The following HTT variants were observed in gnomAD, a reference collection of about 807,000 sequenced individuals.
HTT encodes huntington disease protein.
In HTT, 104 loss-of-function variants were observed where a neutral mutation model predicts 362.3. The ratio of observed to expected loss-of-function variants is 0.29; its 90% confidence interval spans 0.24 to 0.34. The LOEUF (loss-of-function observed/expected upper bound fraction) is 0.34. HTT is among the 10% of genes least tolerant of loss of function. The pLI is 1.00. For missense variants in HTT, 3,301 were observed against 3,928.6 expected, an observed-to-expected ratio of 0.84 and a Z score of 4.27; for synonymous variants, 1,577 against 1,548.7, an observed-to-expected ratio of 1.02 and a Z score of -0.43.
At chr4:3,172,869 T>C in intron 30 of HTT, 39 bp from the exon 31 acceptor site, 1 of 1,361,092 alleles carries the variant, frequency 7.3e-7, no homozygotes, top group Non-Finnish European at 1.1e-6. Context: ...AAAGTGTTGT[T>C]CACGCCACAT....
rs2110310005 is a variant in HTT at position 3,240,930 on chromosome 4, C to A, written c.*871C>A. On this transcript the variant is annotated 3_prime_UTR_variant, in exon 67 of 67. Coordinates refer to ENST00000355072, the MANE Select transcript of HTT (RefSeq NM_001388492.1). ...CCTAGGGGTGCGCTCACCTGCAGCC[C>A]CTCCTCCTCGGGCACAGACGACTGT... The A allele has an allele frequency of 6.6e-6, 1 of 152,436 alleles. No individual in the cohort carries two copies. The highest frequency in any genetic ancestry group is 2.1e-4 in the South Asian group (1 of 4,832). The allele number at this position is 152,436 out of a possible 1,614,324, so 9.4% of individuals were successfully genotyped here.
rs1363329574 is a variant in HTT, at chr4:3,121,327, G to A, written c.1168G>A (p.Glu390Lys). 3.7e-6 allele frequency: 6 copies of A among 1,614,114 alleles called. No homozygotes were observed. The highest frequency in any genetic ancestry group is 1.3e-5 in the African/African-American group (1 of 75,040). The change falls in exon 9 of 67, where the codon GAG becomes AAG. Residue 390 changes from glutamate to lysine, a missense_variant. Physicochemically the swap from Glu to Lys is moderately conservative, Grantham distance 56 (BLOSUM62 1). This residue lies in a region of HTT where 2,316 missense variants were observed against 2,658.5 expected (regional missense o/e 0.87). Transcript: ENST00000355072. ...LQQLFRTPPP[E>K]LLQTLTAVGG... Reference sequence around the variant, plus strand: ...GCAGCTCTTCAGAACGCCTCCACCCGAGCTTCTGCAAACCCTGACCGCAGT... The same window carrying A: ...GCAGCTCTTCAGAACGCCTCCACCCAAGCTTCTGCAAACCCTGACCGCAGT...
chr4:3,151,710 C>G (rs944280914), intron 26 of HTT, among the ~76,000 whole-genome samples: 2 of 152,206 alleles, frequency 1.3e-5, no homozygotes, highest in Admixed American at 1.3e-4. Flanking sequence ...CATCCCCCGC[C>G]AACCCTGGTT....
chr4:3,212,834 A>C, intron 49 of HTT, 125 bp downstream of exon 49: 6 of 978,268 alleles, frequency 6.1e-6, no homozygotes, highest in Non-Finnish European at 9.2e-6. Context: ...TTTCCATCTC[A>C]GCCTGGCAGT....
At position 3,127,588 on chromosome 4, in the gene HTT, C is replaced by T. The variant is rs1715582102; in HGVS notation, c.1727C>T (p.Ser576Leu). The T allele has an allele frequency of 6.2e-7, 1 of 1,610,938 alleles. No homozygotes were observed. The highest frequency in any genetic ancestry group is 1.3e-5 in the African/African-American group (1 of 74,848). ...TEGPDSAVTP[S>L]DSSEIVLDGT... ...GGGCCTGATTCAGCTGTTACCCCTTCAGACAGTTCTGAAATTGTAAGTGGG... is the reference window on the plus strand; with the variant it reads ...GGGCCTGATTCAGCTGTTACCCCTTTAGACAGTTCTGAAATTGTAAGTGGG... Residue 576 changes from serine (S) to leucine (L), a missense_variant, in exon 12 of 67, where the codon TCA (serine) becomes TTA (leucine). Physicochemically the swap from Ser to Leu is moderately radical, Grantham distance 145. Transcript: ENST00000355072.
intron 34 of HTT, 60 bp from the exon 35 acceptor site, chr4:3,178,238 T>A: frequency 8.1e-7 from 1 of 1,239,136 alleles, no homozygotes; most frequent in East Asian, 2.3e-5. Context: ...TTTATGTTGC[T>A]TATATTGATA....
At chr4:3,097,960 A>G (rs1413516521) in intron 2 of HTT, among the ~76,000 whole-genome samples, 1 of 152,214 alleles carries the variant, frequency 6.6e-6, no homozygotes, top group Non-Finnish European at 1.5e-5. Flanking sequence ...TACTGTAAAA[A>G]ATGTTATATA....
intron 10 of HTT, among the ~76,000 whole-genome samples, chr4:3,123,950 G>A (rs1179733117): frequency 6.6e-6 from 1 of 152,138 alleles, no homozygotes; most frequent in Admixed American, 6.5e-5. Context: ...CCTTTTTTGT[G>A]TCATGATTTG....
chr4:3,162,647 TG>T (rs1019125225), intron 29 of HTT, among the ~76,000 whole-genome samples: 50 of 152,252 alleles, frequency 3.3e-4, no homozygotes, highest in African/African-American at 1.2e-3. Context: ...TCACATCCCT[TG>T]TAAGTTGTCT....
Position 3,115,452 on chromosome 4 carries a change from T to C in HTT, c.889+7T>C. 1.2e-6 allele frequency: 2 copies of C among 1,607,446 alleles called. No individual in the cohort carries two copies. Among genetic ancestry groups the C allele is most frequent in the Non-Finnish European group, 1.7e-6 (2 of 1,174,222 alleles). ...CTACTAAATGTGCTCTTAGGTAAGG[T>C]GGAGGCATATGAGTGGAAGAGTCTC... On this transcript the variant is annotated splice_region_variant and intron_variant, in intron 7 of 66. Transcript: ENST00000355072.
chr4:3,147,760 A>G (rs1454290448), intron 25 of HTT, among the ~76,000 whole-genome samples: 2 of 152,166 alleles, frequency 1.3e-5, no homozygotes, highest in Admixed American at 6.5e-5. Flanking sequence ...GGTTGTGAAG[A>G]CAAAGAAACC....
intron 14 of HTT, among the ~76,000 whole-genome samples, chr4:3,130,849 CATCA>C (rs1337513255): frequency 6.6e-6 from 1 of 152,166 alleles, no homozygotes; most frequent in East Asian, 1.9e-4. Flanking sequence ...CAGTTCGTCC[CATCA>C]ATCAGAATTA....
chr4:3,100,731 C>T (rs565457801), intron 3 of HTT, among the ~76,000 whole-genome samples: 3 of 152,274 alleles, frequency 2.0e-5, no homozygotes, highest in East Asian at 1.9e-4. Flanking sequence ...AGGACCAGGG[C>T]GGTCTGTCTT....
In HTT at chr4:3,220,179, C is replaced by T. The variant is rs1720609346; in HGVS notation, c.7243-3C>T. On this transcript the variant is annotated splice_polypyrimidine_tract_variant and splice_region_variant and intron_variant, in intron 52 of 66. Coordinates refer to ENST00000355072, the MANE Select transcript of HTT (RefSeq NM_001388492.1). Reference sequence around the variant, plus strand: ...TGATGTCACTTCCTTTTCATCTTCTCAGGTGTGGAAGCTTGGATGGTCACC... The same window carrying T: ...TGATGTCACTTCCTTTTCATCTTCTTAGGTGTGGAAGCTTGGATGGTCACC... 2 of 1,613,990 alleles carry T rather than the reference C, an allele frequency of 1.2e-6. No homozygotes were observed. The highest frequency in any genetic ancestry group is 2.2e-5 in the East Asian group (1 of 44,886).
Position 3,174,788 on chromosome 4 carries a change from C to A in HTT, c.4234C>A (p.Arg1412Ser). 1 of 1,613,952 alleles carries A rather than the reference C, an allele frequency of 6.2e-7. No individual in the cohort carries two copies. Among genetic ancestry groups the A allele is most frequent in the African/African-American group, 1.3e-5 (1 of 75,022 alleles). Residue 1412 changes from arginine (R) to serine (S), a missense_variant, in exon 32 of 67, where the codon CGT becomes AGT. Around this residue, in one of 4 missense-constraint regions of HTT, gnomAD observed 2,316 missense variants for 2,658.5 expected, o/e 0.87. Coordinates refer to ENST00000355072, the MANE Select transcript of HTT (RefSeq NM_001388492.1). ...AAACCTCACGAGTGTCACAAAGAAC[C>A]GTGCAGATAAGGTAAATGGTGCCGT... ...KTNLTSVTKN[R>S]ADKNAIHNHI...
intron 65 of HTT, 88 bp from the exon 66 acceptor site, chr4:3,238,730 G>GGCCCCCCCCCCCCCCC: frequency 7.3e-6 from 8 of 1,096,970 alleles, no homozygotes; most frequent in Admixed American, 2.1e-5. Context: ...AATGCCTCTG[G>GGCCCCCCCCCCCCCCC]CCCCCACCCC....
At chr4:3,103,799 A>T (rs1423963339) in intron 3 of HTT, 25 bp from the exon 4 acceptor site, 1 of 1,513,182 alleles carries the variant, frequency 6.6e-7, no homozygotes. Context: ...TGTGTCTTCC[A>T]TAAATCTCTT....
chr4:3,184,020 T>C (rs2298967), intron 37 of HTT, among the ~76,000 whole-genome samples: 36,674 of 151,514 alleles, frequency 0.24, 5,695 homozygotes, highest in East Asian at 0.4. Context: ...GGACAGACAA[T>C]AGAAAAGCAA....
chr4:3,162,543 C>T (rs1717495240), intron 29 of HTT, among the ~76,000 whole-genome samples: 1 of 152,192 alleles, frequency 6.6e-6, no homozygotes, highest in Non-Finnish European at 1.5e-5. Flanking sequence ...GATATTGATT[C>T]GTCCTATCCA....
Sources: gnomAD v4.1 joint callset for allele counts (sites outside exome capture counted in the v4.1 genomes callset) on GRCh38, gnomAD v4.1.1 for gene constraint, gnomAD v4.1.1 regional missense constraint, MANE v1.5 for transcripts, NCBI Gene and HGNC (gene_info 2026-07-23, HGNC 2026-07-21) for gene names.